SLC35F3: variants seen among roughly 807,000 people sequenced by gnomAD.
The protein encoded by SLC35F3 is solute carrier family 35 member F3.
In SLC35F3, 25 loss-of-function variants were observed where a neutral mutation model predicts 49.9. That is an observed-to-expected ratio of 0.50 (90% confidence interval 0.37 to 0.70). SLC35F3 has a LOEUF of 0.70. Ranked by LOEUF, SLC35F3 falls within the 30% of genes least tolerant of loss-of-function variation. The pLI is 0.00. For synonymous variants in SLC35F3, 275 were observed against 265.4 expected (o/e 1.04, Z -0.35); for missense variants, 525 against 639.8 (o/e 0.82, Z 1.94).
chr1:233,911,294 G>A (rs2358110), intron 2 of SLC35F3, among the ~76,000 whole-genome samples: 4,499 of 152,204 alleles, frequency 0.03, 95 homozygotes, highest in Non-Finnish European at 0.046. Context: ...TAAAGGTCAG[G>A]TCAGCAATTC....
chr1:234,209,128 G>A (rs1667015368), intron 2 of SLC35F3, among the ~76,000 whole-genome samples: 1 of 152,126 alleles, frequency 6.6e-6, no homozygotes, highest in Non-Finnish European at 1.5e-5. Context: ...CCTCAAAAGA[G>A]GAATAGGGGT....
In SLC35F3 at chr1:233,905,702, G is replaced by A. The variant is rs747640163; in HGVS notation, c.227G>A (p.Arg76Gln). The A allele has an allele frequency of 2.0e-5, 32 of 1,614,076 alleles. No homozygotes were observed. The highest frequency in any genetic ancestry group is 2.6e-5 in the Non-Finnish European group (31 of 1,180,036). The change falls in exon 2 of 8, where the codon CGG becomes CAG. Residue 76 changes from arginine (R) to glutamine (Q), a missense_variant. Physicochemically the swap from Arg to Gln is conservative, Grantham distance 43 (BLOSUM62 1). This residue lies in a region of SLC35F3 where 228 missense variants were observed against 218.9 expected (regional missense o/e 1.04). Coordinates refer to ENST00000366618, the MANE Select transcript of SLC35F3 (RefSeq NM_173508.4). ...GPVGLTSIEE[R>Q]ILRITGYYGY... ...GTGGGGCTCACGTCCATCGAGGAGCGGATCCTGCGCATCACTGGCTACTAT... is the reference window on the plus strand; with the variant it reads ...GTGGGGCTCACGTCCATCGAGGAGCAGATCCTGCGCATCACTGGCTACTAT...
intron 2 of SLC35F3, among the ~76,000 whole-genome samples, chr1:233,963,432 C>G (rs1662839876): frequency 1.3e-5 from 2 of 152,070 alleles, no homozygotes; most frequent in African/African-American, 2.4e-5. Context: ...TCCCAAGTAG[C>G]TGGTACTACA....
intron 4 of SLC35F3, among the ~76,000 whole-genome samples, chr1:234,313,569 T>C (rs1313135908): frequency 1.6e-4 from 25 of 152,050 alleles, no homozygotes; most frequent in Admixed American, 1.6e-3. Context: ...GACCCATCAG[T>C]CTTTGTTTCA....
At chr1:234,090,571 G>A (rs888508791) in intron 2 of SLC35F3, among the ~76,000 whole-genome samples, 30 of 152,250 alleles carry the variant, frequency 2.0e-4, no homozygotes, top group Non-Finnish European at 3.5e-4. Context: ...TGGCAGGTAC[G>A]AAAGGTGAGG....
At chr1:234,044,828 T>C (rs1664266748) in intron 2 of SLC35F3, among the ~76,000 whole-genome samples, 1 of 152,108 alleles carries the variant, frequency 6.6e-6, no homozygotes, top group Non-Finnish European at 1.5e-5. Context: ...GTGTTGATCA[T>C]ATGGGTGGTA....
chr1:234,288,126 A>C (rs1053094291), intron 3 of SLC35F3, among the ~76,000 whole-genome samples: 1 of 151,768 alleles, frequency 6.6e-6, no homozygotes, highest in South Asian at 2.1e-4. Flanking sequence ...GCTTCAAGCA[A>C]TCCTCCTGCC....
chr1:234,121,828 C>T (rs1031288288), intron 2 of SLC35F3, among the ~76,000 whole-genome samples: 5 of 152,122 alleles, frequency 3.3e-5, no homozygotes, highest in African/African-American at 1.2e-4. Flanking sequence ...GTTTTCTGTC[C>T]TTATGATAGT....
In SLC35F3 at chr1:234,192,253, A is replaced by G. The variant is rs528633400; in HGVS notation, c.284-39164A>G. On this transcript the variant is annotated intron_variant, in intron 2 of 7. Transcript: ENST00000366618. ...CAGCATATCAGAAAGATAATCCACC[A>G]TAATCAAGTGGGTTTCATACCAGGG... 4.0e-4 allele frequency among the ~76,000 whole-genome samples: 61 copies of G among 152,346 alleles called. No individual in the cohort carries two copies. In the South Asian group the frequency reaches 9.5e-3, roughly 24 times the overall value.
chr1:234,029,671 A>G (rs1033142353), intron 2 of SLC35F3, among the ~76,000 whole-genome samples: 4 of 152,078 alleles, frequency 2.6e-5, no homozygotes, highest in Admixed American at 6.6e-5. Flanking sequence ...CCCTTTCCCA[A>G]CTGTTTCCCT....
intron 2 of SLC35F3, among the ~76,000 whole-genome samples, chr1:234,114,863 G>A (rs1665461595): frequency 6.6e-6 from 1 of 152,062 alleles, no homozygotes; most frequent in Non-Finnish European, 1.5e-5. Context: ...GATGCGGCGT[G>A]CATTTGAGAT....
chr1:233,992,074 C>A (rs535324993), intron 2 of SLC35F3, among the ~76,000 whole-genome samples: 35 of 152,014 alleles, frequency 2.3e-4, no homozygotes, highest in Non-Finnish European at 3.5e-4. Context: ...AAGCAGACAC[C>A]CAACCCACAC....
intron 2 of SLC35F3, among the ~76,000 whole-genome samples, chr1:234,108,314 TAAAA>T (rs1463489252): frequency 9.2e-5 from 8 of 86,758 alleles, no homozygotes; most frequent in Non-Finnish European, 1.6e-4. Context: ...TTTATATATA[TAAAA>T]GATATATATT....
intron 2 of SLC35F3, among the ~76,000 whole-genome samples, chr1:233,979,666 C>T (rs1004941049): frequency 1.3e-5 from 2 of 152,164 alleles, no homozygotes; most frequent in Non-Finnish European, 2.9e-5. Flanking sequence ...CTTTCAGCAA[C>T]GGATAGCTGC....
chr1:234,212,241 G>A (rs1248676673), intron 2 of SLC35F3, among the ~76,000 whole-genome samples: 3 of 152,194 alleles, frequency 2.0e-5, no homozygotes, highest in African/African-American at 7.2e-5. Flanking sequence ...ATTGTGACTT[G>A]CCTAGTAGAA....
chr1:234,214,563 C>G lies in SLC35F3; in HGVS notation c.284-16854C>G. 1 of 1,553,542 alleles carries G rather than the reference C, an allele frequency of 6.4e-7. No individual in the cohort carries two copies. The highest frequency in any genetic ancestry group is 8.7e-7 in the Non-Finnish European group (1 of 1,152,252). ...TGCAACAGTCCGGTCCTGACCCTTA[C>G]CAAAGTGGAAGGTAATGCGCGGCCG... On this transcript the variant is annotated intron_variant, in intron 2 of 7. Transcript: ENST00000366618. This position sits in a 1 kb window ranked among gnomAD's most constrained non-coding sequence, Gnocchi z 8.0.
rs116416622 is a variant in SLC35F3, at chr1:234,074,104, G to A, written c.284-157313G>A. ...AAACGTCCCTCTTGTCTCACGGTCT[G>A]AAAACTACCTTCTTTTCACAGGTGT... On this transcript the variant is annotated intron_variant, in intron 2 of 7. Coordinates refer to ENST00000366618, the MANE Select transcript of SLC35F3 (RefSeq NM_173508.4). Among the ~76,000 whole-genome samples the A allele has an allele frequency of 6.6e-3, 1,003 of 152,242 alleles. 11 individuals carry two copies. Among genetic ancestry groups the A allele is most frequent in the African/African-American group, 0.023 (957 of 41,542 alleles).
At chr1:234,152,091 T>G (rs4309045) in intron 2 of SLC35F3, among the ~76,000 whole-genome samples, 19,608 of 149,434 alleles carry the variant, frequency 0.13, 2,914 homozygotes, top group East Asian at 0.76. Context: ...GTTATGGGAG[T>G]TTAGAGAAAA....
chr1:234,102,688 C>G (rs1297838964), intron 2 of SLC35F3, among the ~76,000 whole-genome samples: 1 of 152,202 alleles, frequency 6.6e-6, no homozygotes, highest in East Asian at 1.9e-4. Flanking sequence ...ATAACAACTT[C>G]AGCTCTCCAC....
Sources: allele counts gnomAD v4.1 joint callset (sites outside exome capture counted in the v4.1 genomes callset), GRCh38; gene constraint gnomAD v4.1.1; regional missense constraint gnomAD v4.1.1; non-coding constraint Gnocchi (gnomAD v3.1); transcripts MANE v1.5; gene names NCBI Gene and HGNC (gene_info 2026-07-23, HGNC 2026-07-21).